Variants in SYN3 observed in about 807,000 individuals in gnomAD.
The protein encoded by SYN3 is synapsin III, also known as synapsin-3.
SYN3 carries 35 observed loss-of-function variants against 65.8 expected under a neutral mutation model. That is an observed-to-expected ratio of 0.53 (90% confidence interval 0.41 to 0.70). The LOEUF is 0.70. Among genes scored for constraint, SYN3 ranks in the 30% least tolerant of loss-of-function variants. The pLI, the probability that SYN3 is intolerant of heterozygous loss-of-function variation, is 0.00. For synonymous variants in SYN3, 270 were observed against 292.9 expected (o/e 0.92, Z 0.80); for missense variants, 680 against 749.0 (o/e 0.91, Z 1.08).
rs1488724907 is a variant in SYN3, at chr22:33,003,496, T to C, written c.311+2856A>G. Among the ~76,000 whole-genome samples the C allele has an allele frequency of 2.0e-5, 3 of 152,166 alleles. No individual in the cohort carries two copies. The East Asian group carries it at 5.8e-4, about 29-fold the overall frequency. ...GTCTCAGATGGAGATGAAAAACTTT[T>C]TGGGAACTGGAGTAAAGGTCACTCT... On this transcript the variant is annotated intron_variant, in intron 2 of 13. Transcript: ENST00000358763.
chr22:32,906,420 T>C (rs912715029), intron 4 of SYN3, among the ~76,000 whole-genome samples: 1 of 152,154 alleles, frequency 6.6e-6, no homozygotes, highest in African/African-American at 2.4e-5. Flanking sequence ...AGTTCTTCCT[T>C]AGATGCCCTA....
At chr22:32,761,376 TGA>T (rs1325651708) in intron 6 of SYN3, among the ~76,000 whole-genome samples, 1 of 152,150 alleles carries the variant, frequency 6.6e-6, no homozygotes, top group African/African-American at 2.4e-5. Flanking sequence ...GCCATGCGCG[TGA>T]GTCACGAGAA....
chr22:32,805,723 C>T (rs2046715532), intron 6 of SYN3, among the ~76,000 whole-genome samples: 1 of 151,472 alleles, frequency 6.6e-6, no homozygotes, highest in Admixed American at 6.6e-5. Context: ...CCAAGGCCAC[C>T]CAGTTGCTAA....
intron 6 of SYN3, among the ~76,000 whole-genome samples, chr22:32,622,089 C>T (rs988452997): frequency 1.3e-5 from 2 of 152,068 alleles, no homozygotes; most frequent in South Asian, 2.1e-4. Context: ...CACAAAAGGC[C>T]CTGTTTGCTT....
At chr22:32,750,721 G>A (rs2045092664) in intron 6 of SYN3, among the ~76,000 whole-genome samples, 1 of 152,190 alleles carries the variant, frequency 6.6e-6, no homozygotes, top group Non-Finnish European at 1.5e-5. Context: ...GTTGGATTCT[G>A]GAGGGATCTG....
chr22:32,874,361 C>A (rs5754319), intron 4 of SYN3, among the ~76,000 whole-genome samples: 26,749 of 152,070 alleles, frequency 0.18, 2,577 homozygotes, highest in Non-Finnish European at 0.22. Context: ...GCTCCTGATC[C>A]CAAGTCTTTC....
chr22:32,771,608 G>A (rs1199903077), intron 6 of SYN3, among the ~76,000 whole-genome samples: 1 of 152,186 alleles, frequency 6.6e-6, no homozygotes, highest in Non-Finnish European at 1.5e-5. Context: ...CCTCACAGGG[G>A]AGGGTCACAG....
At chr22:32,648,098 A>T (rs2060010146) in intron 6 of SYN3, among the ~76,000 whole-genome samples, 1 of 151,966 alleles carries the variant, frequency 6.6e-6, no homozygotes, top group Non-Finnish European at 1.5e-5. Context: ...TCCTGGCCTC[A>T]AGCAGTCCTG....
chr22:32,609,615 T>C (rs2059414789), intron 6 of SYN3, among the ~76,000 whole-genome samples: 1 of 150,882 alleles, frequency 6.6e-6, no homozygotes, highest in Admixed American at 6.6e-5. Flanking sequence ...TAACTGGGAC[T>C]ACAAGCGTGT....
At chr22:32,902,600 A>T (rs1297851863) in intron 4 of SYN3, among the ~76,000 whole-genome samples, 2 of 152,228 alleles carry the variant, frequency 1.3e-5, no homozygotes, top group African/African-American at 2.4e-5. Context: ...TTGCTAATAA[A>T]TGGTAGAGCT....
intron 3 of SYN3, among the ~76,000 whole-genome samples, chr22:32,962,539 A>G (rs1297794659): frequency 3.3e-5 from 5 of 152,166 alleles, no homozygotes; most frequent in Non-Finnish European, 5.9e-5. Flanking sequence ...TGATGGGGAG[A>G]GCAGATGATA....
chr22:32,859,212 G>A (rs1167717738), intron 6 of SYN3: 2 of 1,614,144 alleles, frequency 1.2e-6, no homozygotes, highest in South Asian at 1.1e-5. Flanking sequence ...CTTGCTTTGT[G>A]ACTTCCAAGA....
At chr22:32,693,100 C>T (rs2060688123) in intron 6 of SYN3, among the ~76,000 whole-genome samples, 1 of 152,016 alleles carries the variant, frequency 6.6e-6, no homozygotes, top group Non-Finnish European at 1.5e-5. Flanking sequence ...CTATGTTTTT[C>T]CAATTACATA....
chr22:32,988,591 A>G (rs1269552035), intron 2 of SYN3, among the ~76,000 whole-genome samples: 1 of 152,102 alleles, frequency 6.6e-6, no homozygotes, highest in Non-Finnish European at 1.5e-5. Context: ...TGGGAGGGAC[A>G]GACACAAAAA....
At chr22:32,960,515 T>A (rs555777242) in intron 3 of SYN3, among the ~76,000 whole-genome samples, 1 of 152,328 alleles carries the variant, frequency 6.6e-6, no homozygotes, top group South Asian at 2.1e-4. Context: ...GCATGTGGCA[T>A]GGGGTGCTGT....
intron 6 of SYN3, among the ~76,000 whole-genome samples, chr22:32,610,668 C>T (rs73154346): frequency 0.12 from 17,760 of 152,132 alleles, 1,252 homozygotes; most frequent in East Asian, 0.28. Flanking sequence ...CCGCAACCTC[C>T]CCCTCCAGAT....
intron 6 of SYN3, chr22:32,849,300 C>T: frequency 1.5e-6 from 1 of 679,710 alleles, no homozygotes; most frequent in Non-Finnish European, 2.6e-6. Flanking sequence ...AGGGAATTCC[C>T]ACTCTTGTAA....
chr22:32,555,694 C>T (rs2058484841), intron 7 of SYN3, among the ~76,000 whole-genome samples: 1 of 152,128 alleles, frequency 6.6e-6, no homozygotes, highest in African/African-American at 2.4e-5. Flanking sequence ...GCTGGCAGGG[C>T]CAACTGGATG....
chr22:32,975,522 T>C (rs554706178), intron 3 of SYN3, among the ~76,000 whole-genome samples: 39 of 152,248 alleles, frequency 2.6e-4, no homozygotes, highest in Non-Finnish European at 4.1e-4. Flanking sequence ...CATGAACTCC[T>C]GGGCTCAAGC....
Sources: gnomAD v4.1 joint callset for allele counts (sites outside exome capture counted in the v4.1 genomes callset) on GRCh38, gnomAD v4.1.1 for gene constraint, MANE v1.5 for transcripts, NCBI Gene and HGNC (gene_info 2026-07-23, HGNC 2026-07-21) for gene names.